The following KIFAP3 variants were observed in gnomAD, a reference collection of about 807,000 sequenced individuals.
KIFAP3 encodes kinesin associated protein 3.
Under a neutral mutation model 106.5 loss-of-function variants are expected in KIFAP3, and 68 were observed. The observed-to-expected ratio is 0.64, with a 90% CI of 0.53 to 0.78. The LOEUF (loss-of-function observed/expected upper bound fraction) is 0.78, where lower values mean the gene tolerates loss of function less well. KIFAP3 is among the 30% of genes least tolerant of loss of function. The pLI is 0.00. For synonymous variants in KIFAP3, 320 were observed against 311.5 expected, an observed-to-expected ratio of 1.03 and a Z score of -0.29; for missense variants, 780 against 941.8, an observed-to-expected ratio of 0.83 and a Z score of 2.25.
chr1:170,053,912 C>T, intron 2 of KIFAP3, among the ~76,000 whole-genome samples: 1 of 152,150 alleles, frequency 6.6e-6, no homozygotes, highest in Non-Finnish European at 1.5e-5. Flanking sequence ...CTAGGCAATA[C>T]CATTCAGGAC....
intron 1 of KIFAP3, among the ~76,000 whole-genome samples, chr1:170,058,768 T>C (rs562075073): frequency 5.9e-5 from 9 of 152,004 alleles, no homozygotes; most frequent in East Asian, 3.9e-4. Flanking sequence ...ACCAGAACTG[T>C]CTAGGGCAAA....
chr1:170,035,224 A>G (rs1669624003), intron 6 of KIFAP3, among the ~76,000 whole-genome samples: 1 of 152,002 alleles, frequency 6.6e-6, no homozygotes. Flanking sequence ...ATTACTATCC[A>G]AATTTTACTC....
chr1:169,971,446 T>A (rs1665913306), intron 17 of KIFAP3, among the ~76,000 whole-genome samples: 1 of 152,072 alleles, frequency 6.6e-6, no homozygotes, highest in Non-Finnish European at 1.5e-5. Flanking sequence ...GAATGAGGAT[T>A]TAATATGTAC....
chr1:169,972,069 A>G (rs1248820816), intron 17 of KIFAP3, among the ~76,000 whole-genome samples: 1 of 151,972 alleles, frequency 6.6e-6, no homozygotes, highest in Non-Finnish European at 1.5e-5. Context: ...TGTATTTCCC[A>G]TCATTTCAAA....
intron 17 of KIFAP3, among the ~76,000 whole-genome samples, chr1:169,967,095 A>T (rs2101878505): frequency 6.6e-6 from 1 of 151,932 alleles, no homozygotes; most frequent in South Asian, 2.1e-4. Context: ...TTAATAGGCT[A>T]AGACAATGGT....
At chr1:169,969,383 T>G (rs1293193041) in intron 17 of KIFAP3, among the ~76,000 whole-genome samples, 1 of 152,036 alleles carries the variant, frequency 6.6e-6, no homozygotes, top group Non-Finnish European at 1.5e-5. Context: ...TGGTTATCTT[T>G]GCAGAGACCA....
intron 10 of KIFAP3, among the ~76,000 whole-genome samples, chr1:170,015,668 A>G (rs1668470104): frequency 6.6e-6 from 1 of 152,196 alleles, no homozygotes; most frequent in Non-Finnish European, 1.5e-5. Flanking sequence ...ACTTAGGCAT[A>G]AAAGAGCTTA....
intron 19 of KIFAP3, among the ~76,000 whole-genome samples, chr1:169,953,089 C>T (rs143184498): frequency 0.013 from 2,051 of 152,086 alleles, 54 homozygotes; most frequent in African/African-American, 0.044. Flanking sequence ...GAAATGTCAA[C>T]GGTCAGCCTT....
At chr1:170,021,047 C>T (rs1668790387) in intron 9 of KIFAP3, among the ~76,000 whole-genome samples, 1 of 152,026 alleles carries the variant, frequency 6.6e-6, no homozygotes, top group South Asian at 2.1e-4. Flanking sequence ...AAAGAAGGCA[C>T]AGAAAAGTGA....
chr1:170,020,992 T>A (rs1420938724), intron 9 of KIFAP3, among the ~76,000 whole-genome samples: 3 of 152,192 alleles, frequency 2.0e-5, no homozygotes, highest in Non-Finnish European at 4.4e-5. Flanking sequence ...TTTTATATGC[T>A]GACTTCATGA....
chr1:169,973,736 A>G (rs1371149758), intron 16 of KIFAP3, among the ~76,000 whole-genome samples: 1 of 151,852 alleles, frequency 6.6e-6, no homozygotes, highest in Admixed American at 6.6e-5. Context: ...AGAAGTCTAT[A>G]TTCTGTTAAA....
intron 8 of KIFAP3, among the ~76,000 whole-genome samples, chr1:170,026,193 C>T (rs1669092556): frequency 6.6e-6 from 1 of 152,096 alleles, no homozygotes; most frequent in African/African-American, 2.4e-5. Context: ...TCAGAGAGAA[C>T]GTGGGCCTGA....
intron 11 of KIFAP3, among the ~76,000 whole-genome samples, chr1:169,990,927 A>G (rs2101930068): frequency 6.6e-6 from 1 of 152,296 alleles, no homozygotes; most frequent in East Asian, 1.9e-4. Flanking sequence ...AATATTAACC[A>G]TAAACAAAAT....
At chr1:170,023,358 T>C (rs1668950352) in intron 9 of KIFAP3, among the ~76,000 whole-genome samples, 1 of 152,048 alleles carries the variant, frequency 6.6e-6, no homozygotes, top group African/African-American at 2.4e-5. Flanking sequence ...TTCATTTGAT[T>C]TTAAAATAAA....
intron 1 of KIFAP3, among the ~76,000 whole-genome samples, chr1:170,058,755 A>G: frequency 6.6e-6 from 1 of 152,082 alleles, no homozygotes; most frequent in African/African-American, 2.4e-5. Flanking sequence ...GGAACAGCTG[A>G]AAACCAGAAC....
Position 170,055,423 on chromosome 1 carries a change from C to T in KIFAP3, c.46G>A (p.Gly16Arg). ...ARYLKRKVKG[G>R]NIDVHPSEKA... is the part of the protein sequence containing the mutation. ...TCTGATGGATGTACATCTATATTCCCTCCTTTAACTTTCCTATAATACAAA... is the reference window on the plus strand; with the variant it reads ...TCTGATGGATGTACATCTATATTCCTTCCTTTAACTTTCCTATAATACAAA... Residue 16 changes from glycine (G) to arginine (R), a missense_variant, in exon 2 of 20, where the codon GGG (glycine) becomes AGG (arginine). Physicochemically the swap from Gly to Arg is moderately radical, Grantham distance 125. Transcript: ENST00000361580. The T allele has an allele frequency of 1.3e-6, 2 of 1,585,854 alleles. No homozygotes were observed. The highest frequency in any genetic ancestry group is 1.2e-5 in the South Asian group (1 of 86,526).
intron 8 of KIFAP3, among the ~76,000 whole-genome samples, chr1:170,031,035 G>A (rs1669379835): frequency 6.6e-6 from 1 of 151,688 alleles, no homozygotes; most frequent in Non-Finnish European, 1.5e-5. Flanking sequence ...TTAAAGTTTT[G>A]CATGTTAAAA....
chr1:170,065,099 G>A (rs773012075), intron 1 of KIFAP3, among the ~76,000 whole-genome samples: 1 of 152,072 alleles, frequency 6.6e-6, no homozygotes, highest in African/African-American at 2.4e-5. Flanking sequence ...AAACTGTCTG[G>A]ATGTAGCAGA....
intron 1 of KIFAP3, among the ~76,000 whole-genome samples, chr1:170,066,152 C>T (rs1487964212): frequency 7.0e-6 from 1 of 142,382 alleles, no homozygotes; most frequent in Non-Finnish European, 1.5e-5. Context: ...TGCTACTTCA[C>T]AAATTGCAGG....
Sources: allele counts gnomAD v4.1 joint callset (sites outside exome capture counted in the v4.1 genomes callset), GRCh38; gene constraint gnomAD v4.1.1; transcripts MANE v1.5; gene names NCBI Gene and HGNC (gene_info 2026-07-23, HGNC 2026-07-21).